The following CPNE4 variants were observed in gnomAD, a reference collection of about 807,000 sequenced individuals.
CPNE4 encodes copine 4.
Under a neutral mutation model 67.9 loss-of-function variants are expected in CPNE4, and 25 were observed. The ratio of observed to expected loss-of-function variants is 0.37; its 90% CI spans 0.27 to 0.51. CPNE4 has a LOEUF of 0.51. Among genes scored for constraint, CPNE4 ranks in the 20% least tolerant of loss-of-function variants. CPNE4 has a pLI of 0.93. For synonymous variants in CPNE4, 242 were observed against 244.9 expected (o/e 0.99, Z 0.11); for missense variants, 464 against 690.8 (o/e 0.67, Z 3.68).
At chr3:131,606,090 C>T (rs1485054490) in intron 7 of CPNE4, among the ~76,000 whole-genome samples, 15 of 152,006 alleles carry the variant, frequency 9.9e-5, no homozygotes, top group Admixed American at 9.8e-4. Context: ...CCGTTGGATC[C>T]CTGAGGAGGA....
At chr3:131,696,456 G>A in intron 5 of CPNE4, 86 bp downstream of exon 5, 2 of 1,289,160 alleles carry the variant, frequency 1.6e-6, no homozygotes, top group Non-Finnish European at 2.2e-6. Flanking sequence ...GGGTGGAAAG[G>A]GAAAAATAGT....
At chr3:131,785,246 TCTC>T (rs2083526758) in intron 2 of CPNE4, among the ~76,000 whole-genome samples, 1 of 152,078 alleles carries the variant, frequency 6.6e-6, no homozygotes, top group South Asian at 2.1e-4. Flanking sequence ...ATTTAACTCT[TCTC>T]CTTGGTCACA....
In CPNE4 at chr3:131,555,476, A is replaced by C. The variant is rs185151792; in HGVS notation, c.1116+21T>G. Reference sequence around the variant, plus strand: ...TTTGACCACAGTGAAGTGGAAGAAGATCACATCTCCACTCACTCACCGTGT... The same window carrying C: ...TTTGACCACAGTGAAGTGGAAGAAGCTCACATCTCCACTCACTCACCGTGT... On this transcript the variant is annotated intron_variant, in intron 12 of 15. Coordinates refer to ENST00000429747, the MANE Select transcript of CPNE4 (RefSeq NM_130808.3). 2.5e-6 allele frequency: 4 copies of C among 1,607,706 alleles called. No individual in the cohort carries two copies. In the Admixed American group the frequency reaches 6.7e-5, roughly 27 times the overall value.
chr3:131,535,444 G>A lies in CPNE4; in HGVS notation c.1540-115C>T, dbSNP rs1935083962. ...AAGTTTCATTCACTTTCATTCATTC[G>A]TTATTTGTCAAGGGTCTACTTCAAG... On this transcript the variant is annotated intron_variant, in intron 15 of 15. Transcript: ENST00000429747. The A allele has an allele frequency of 9.2e-6, 10 of 1,087,708 alleles. 1 individual carries two copies. In the East Asian group the frequency reaches 1.3e-4, roughly 14 times the overall value. 67.4% of individuals were successfully genotyped at this position (1,087,708 alleles called of 1,614,324 possible). A position where few individuals can be genotyped will look rare whatever the true frequency, so the allele number is the denominator to read the frequency against.
At chr3:131,839,727 G>A (rs1383670594) in intron 2 of CPNE4, among the ~76,000 whole-genome samples, 2 of 148,192 alleles carry the variant, frequency 1.3e-5, no homozygotes, top group East Asian at 4.0e-4. Context: ...ATGTGAGCAT[G>A]TAATAATGTT....
intron 2 of CPNE4, among the ~76,000 whole-genome samples, chr3:131,882,077 C>T (rs1038435347): frequency 6.6e-6 from 1 of 151,900 alleles, no homozygotes; most frequent in Non-Finnish European, 1.5e-5. Flanking sequence ...CCAAGTACAG[C>T]GATCCTTCAG....
intron 1 of CPNE4, among the ~76,000 whole-genome samples, chr3:132,025,196 T>C (rs138312559): frequency 1.3e-5 from 2 of 152,296 alleles, no homozygotes; most frequent in Admixed American, 1.3e-4. Context: ...ATACCCAATA[T>C]GTTGTCTAAT....
chr3:131,920,983 A>G (rs1190038669), intron 1 of CPNE4, among the ~76,000 whole-genome samples: 1 of 152,190 alleles, frequency 6.6e-6, no homozygotes, highest in African/African-American at 2.4e-5. Context: ...TTACAGTGGT[A>G]TGGCATAACC....
chr3:131,848,898 T>C (rs911128889), intron 2 of CPNE4, among the ~76,000 whole-genome samples: 2 of 139,130 alleles, frequency 1.4e-5, no homozygotes, highest in African/African-American at 5.3e-5. Context: ...GAAGGGAGGA[T>C]TGAAGAAGGC....
At chr3:131,914,943 T>G (rs2089130186) in intron 1 of CPNE4, among the ~76,000 whole-genome samples, 1 of 152,182 alleles carries the variant, frequency 6.6e-6, no homozygotes, top group Non-Finnish European at 1.5e-5. Context: ...GCCACTGCAC[T>G]CCAGCCTAGG....
At chr3:131,570,329 T>A (rs1053870392) in intron 10 of CPNE4, among the ~76,000 whole-genome samples, 1 of 143,054 alleles carries the variant, frequency 7.0e-6, no homozygotes, top group African/African-American at 2.9e-5. Context: ...ATTTATTTAT[T>A]TATTTTTTTA....
intron 3 of CPNE4, among the ~76,000 whole-genome samples, chr3:131,711,153 C>T (rs1300745182): frequency 6.6e-6 from 1 of 152,188 alleles, no homozygotes; most frequent in Non-Finnish European, 1.5e-5. Context: ...ACCGGACAGG[C>T]AGGGGCAAAC....
chr3:132,034,895 A>G lies in CPNE4; in HGVS notation c.-330T>C. ...GAGAGTAAAGAGGAGGGTACTGAGAAAAGAGGGAGGGAGTGGAGTGGAGCG... is the reference window on the plus strand; with the variant it reads ...GAGAGTAAAGAGGAGGGTACTGAGAGAAGAGGGAGGGAGTGGAGTGGAGCG... On this transcript the variant is annotated 5_prime_UTR_variant, in exon 1 of 16. Coordinates refer to ENST00000429747, the MANE Select transcript of CPNE4 (RefSeq NM_130808.3). The G allele has an allele frequency of 1.0e-6, 1 of 985,314 alleles. No homozygotes were observed. The highest frequency in any genetic ancestry group is 1.2e-6 in the Non-Finnish European group (1 of 829,924). 61.0% of individuals were successfully genotyped at this position (985,314 alleles called of 1,614,324 possible).
intron 2 of CPNE4, among the ~76,000 whole-genome samples, chr3:131,807,727 C>T (rs2084370947): frequency 6.6e-6 from 1 of 151,994 alleles, no homozygotes; most frequent in Non-Finnish European, 1.5e-5. Context: ...TAAATTATTT[C>T]CCCACGTTCT....
At chr3:131,537,914 T>C (rs549464380) in intron 15 of CPNE4, among the ~76,000 whole-genome samples, 4 of 152,314 alleles carry the variant, frequency 2.6e-5, no homozygotes, top group Admixed American at 6.5e-5. Context: ...CTTGACACTA[T>C]TGACATTTGG....
Position 131,718,210 on chromosome 3 carries a change from G to T in CPNE4, c.360+5236C>A, listed in dbSNP as rs561396530. On this transcript the variant is annotated intron_variant, in intron 3 of 15. Coordinates refer to ENST00000429747, the MANE Select transcript of CPNE4 (RefSeq NM_130808.3). ...GGGTTTCACTATGTTGTCCAGGCTG[G>T]TCTCAAACTCCTGACCTCATGATCT... Among the ~76,000 whole-genome samples, 4 of 152,068 alleles carry T rather than the reference G, an allele frequency of 2.6e-5. No individual in the cohort carries two copies. In the East Asian group the frequency reaches 5.8e-4, roughly 22 times the overall value.
intron 1 of CPNE4, among the ~76,000 whole-genome samples, chr3:131,953,252 A>ATAAATT (rs1553813424): frequency 1.9e-4 from 28 of 144,042 alleles, no homozygotes; most frequent in South Asian, 1.1e-3. Flanking sequence ...AAAAAAAAAA[A>ATAAATT]AAAAAAAAAA....
chr3:131,555,787 T>G (rs1196370082), intron 11 of CPNE4, among the ~76,000 whole-genome samples: 1 of 152,000 alleles, frequency 6.6e-6, no homozygotes, highest in Non-Finnish European at 1.5e-5. Flanking sequence ...CTCCCTTAAT[T>G]TTTTTGCTAG....
At chr3:131,986,707 T>C (rs1007131729) in intron 1 of CPNE4, among the ~76,000 whole-genome samples, 1 of 151,334 alleles carries the variant, frequency 6.6e-6, no homozygotes, top group Admixed American at 6.6e-5. Flanking sequence ...CCATCCTAGC[T>C]AACATGGTGA....
Sources: allele counts gnomAD v4.1 joint callset (sites outside exome capture counted in the v4.1 genomes callset), GRCh38; gene constraint gnomAD v4.1.1; transcripts MANE v1.5; gene names NCBI Gene and HGNC (gene_info 2026-07-23, HGNC 2026-07-21).